The following RNF144A variants were observed in gnomAD, a reference collection of about 807,000 sequenced individuals.
RNF144A encodes E3 ubiquitin-protein ligase RNF144A.
Under a neutral mutation model 38.7 loss-of-function variants are expected in RNF144A, and 11 were observed. The ratio of observed to expected loss-of-function variants is 0.28; its 90% CI spans 0.18 to 0.47. The LOEUF is 0.47. RNF144A is among the 20% of genes least tolerant of loss of function. The pLI is 0.99. For missense variants in RNF144A, 316 were observed against 377.2 expected (o/e 0.84, Z 1.34); for synonymous variants, 149 against 143.9 (o/e 1.04, Z -0.25).
rs1028966547 is a variant in RNF144A, at chr2:6,917,459, G to T, written c.-375G>T. The T allele has an allele frequency of 6.8e-6, 1 of 146,920 alleles. No individual in the cohort carries two copies. Among genetic ancestry groups the T allele is most frequent in the Non-Finnish European group, 1.5e-5 (1 of 66,088 alleles). The allele number at this position is 146,920 out of a possible 1,614,324, so 9.1% of individuals were successfully genotyped here. On this transcript the variant is annotated 5_prime_UTR_variant, in exon 1 of 9. Transcript: ENST00000320892. This position sits in a 1 kb window ranked among gnomAD's most constrained non-coding sequence, Gnocchi z 4.8. ...CCCGCGCAGCCGCTTCTCCCCGCGCGGGCTCTCGGCAGGCGGGAGGCGGCA... is the reference window on the plus strand; with the variant it reads ...CCCGCGCAGCCGCTTCTCCCCGCGCTGGCTCTCGGCAGGCGGGAGGCGGCA...
At chr2:6,994,622 C>T (rs762125892) in intron 2 of RNF144A, among the ~76,000 whole-genome samples, 2 of 152,092 alleles carry the variant, frequency 1.3e-5, no homozygotes, top group Non-Finnish European at 2.9e-5. Context: ...AGCCGTGTGA[C>T]GCCTCCAATT....
chr2:6,950,004 C>A (rs1666579029), intron 2 of RNF144A, among the ~76,000 whole-genome samples: 1 of 152,002 alleles, frequency 6.6e-6, no homozygotes, highest in South Asian at 2.1e-4. Flanking sequence ...TAAAAAGATA[C>A]CCGCTTTTTA....
chr2:6,945,915 G>T (rs571554329), intron 2 of RNF144A, among the ~76,000 whole-genome samples: 1 of 152,272 alleles, frequency 6.6e-6, no homozygotes, highest in South Asian at 2.1e-4. Flanking sequence ...CAGGGCTGGG[G>T]AGCCCCTTGG....
intron 2 of RNF144A, among the ~76,000 whole-genome samples, chr2:6,949,352 C>T (rs2103310738): frequency 6.6e-6 from 1 of 151,166 alleles, no homozygotes; most frequent in East Asian, 1.9e-4. Context: ...AGGGGTTAGC[C>T]TGGGGAAGGC....
intron 1 of RNF144A, among the ~76,000 whole-genome samples, chr2:6,934,807 T>A (rs1297302956): frequency 6.6e-6 from 1 of 152,230 alleles, no homozygotes; most frequent in Non-Finnish European, 1.5e-5. Context: ...CAGCTGGACA[T>A]GGGTTGCCAC....
intron 1 of RNF144A, among the ~76,000 whole-genome samples, chr2:6,919,879 A>G (rs1558349118): frequency 6.6e-6 from 1 of 152,266 alleles, no homozygotes; most frequent in African/African-American, 2.4e-5. Context: ...CCCCCAGGTC[A>G]TCTGTGCCAT....
At position 7,054,823 on chromosome 2, in the gene RNF144A, A is replaced by C. The variant is rs75062183; in HGVS notation, c.735-13393A>C. On this transcript the variant is annotated intron_variant, in intron 6 of 6. Transcript: ENST00000432850. ...CTGTTCTTATCAATTACCCAGTCTAAGGTATTTTGTTATAGCCGTACAAGC... is the reference window on the plus strand; with the variant it reads ...CTGTTCTTATCAATTACCCAGTCTACGGTATTTTGTTATAGCCGTACAAGC... Among the ~76,000 whole-genome samples, 677 of 152,254 alleles carry C rather than the reference A, an allele frequency of 4.4e-3. 5 individuals carry two copies. Among genetic ancestry groups the C allele is most frequent in the African/African-American group, 0.016 (654 of 41,540 alleles).
intron 7 of RNF144A, among the ~76,000 whole-genome samples, chr2:7,024,948 C>G (rs1284045512): frequency 6.6e-6 from 1 of 151,600 alleles, no homozygotes; most frequent in Non-Finnish European, 1.5e-5. Context: ...GGTTCCTGAT[C>G]AGGACTCCTT....
chr2:6,931,346 A>G (rs534404553), intron 1 of RNF144A, among the ~76,000 whole-genome samples: 2 of 152,398 alleles, frequency 1.3e-5, no homozygotes, highest in African/African-American at 4.8e-5. Context: ...AGGATTAAAG[A>G]AATCATGCCT....
At chr2:6,940,487 G>A (rs971121780) in intron 1 of RNF144A, among the ~76,000 whole-genome samples, 82 of 151,866 alleles carry the variant, frequency 5.4e-4, no homozygotes, top group African/African-American at 2.0e-3. Context: ...AATGTTATTT[G>A]TGTTCTTCTG....
chr2:6,968,263 C>A lies in RNF144A; in HGVS notation c.-12+27116C>A, dbSNP rs2103341813. Among the ~76,000 whole-genome samples the A allele has an allele frequency of 1.3e-5, 2 of 152,340 alleles. 1 individual carries two copies. The highest frequency in any genetic ancestry group is 3.9e-4 in the East Asian group (2 of 5,182). On this transcript the variant is annotated intron_variant, in intron 2 of 8. Coordinates refer to ENST00000320892, the MANE Select transcript of RNF144A (RefSeq NM_014746.6). Reference sequence around the variant, plus strand: ...AAACTCTTCTGGTGTTCCGTATTTGCATTTGAAGGTACAGAAACAGAATAT... The same window carrying A: ...AAACTCTTCTGGTGTTCCGTATTTGAATTTGAAGGTACAGAAACAGAATAT...
In RNF144A at chr2:7,042,495, A is replaced by T; in HGVS notation, c.*2735A>T. 1.0e-6 allele frequency: 1 copy of T among 985,518 alleles called. No homozygotes were observed. The highest frequency in any genetic ancestry group is 1.7e-5 in the African/African-American group (1 of 57,376). The allele number at this position is 985,518 out of a possible 1,614,324, so 61.0% of individuals were successfully genotyped here. On this transcript the variant is annotated 3_prime_UTR_variant, in exon 9 of 9. Coordinates refer to ENST00000320892, the MANE Select transcript of RNF144A (RefSeq NM_014746.6). ...GGGAGTAAGGGGCGAAGGCCCTTAGACAACCATGGCTGCTGTACTGCCGCC... is the reference window on the plus strand; with the variant it reads ...GGGAGTAAGGGGCGAAGGCCCTTAGTCAACCATGGCTGCTGTACTGCCGCC...
At chr2:7,027,692 C>A (rs1672001443) in intron 7 of RNF144A, among the ~76,000 whole-genome samples, 1 of 152,216 alleles carries the variant, frequency 6.6e-6, no homozygotes, top group Non-Finnish European at 1.5e-5. Context: ...TGTTTCATCC[C>A]ACCCCGGAGT....
intron 5 of RNF144A, among the ~76,000 whole-genome samples, chr2:7,016,605 A>G (rs1366973832): frequency 1.1e-5 from 1 of 92,766 alleles, no homozygotes; most frequent in African/African-American, 4.4e-5. Context: ...TACTAACATT[A>G]TGTTCAAAGT....
intron 2 of RNF144A, among the ~76,000 whole-genome samples, chr2:6,970,008 C>T (rs922143284): frequency 2.6e-5 from 4 of 152,232 alleles, no homozygotes; most frequent in Non-Finnish European, 5.9e-5. Flanking sequence ...GATCCACCTG[C>T]CTCAGCCTCC....
chr2:7,004,810 G>T (rs752708001), intron 3 of RNF144A, among the ~76,000 whole-genome samples: 1 of 152,180 alleles, frequency 6.6e-6, no homozygotes, highest in Non-Finnish European at 1.5e-5. Context: ...ACTGTGTGGC[G>T]GTTGTGTTCC....
intron 3 of RNF144A, among the ~76,000 whole-genome samples, chr2:7,008,973 A>G (rs1670623727): frequency 6.6e-6 from 1 of 152,230 alleles, no homozygotes; most frequent in African/African-American, 2.4e-5. Context: ...AGTGTTTAAC[A>G]CAAAATCATT....
Position 6,958,778 on chromosome 2 carries a change from A to G in RNF144A, c.-12+17631A>G, listed in dbSNP as rs1051317320. On this transcript the variant is annotated intron_variant, in intron 2 of 8. Coordinates refer to ENST00000320892, the MANE Select transcript of RNF144A (RefSeq NM_014746.6). This position sits in a 1 kb window ranked among gnomAD's most constrained non-coding sequence, Gnocchi z 4.5. ...CCCGCAGGAGGAGGCAGAGGAGGAC[A>G]TGGGCCTGGTGTCTCACCTGCAAGG... Among the ~76,000 whole-genome samples, 3 of 152,206 alleles carry G rather than the reference A, an allele frequency of 2.0e-5. No individual in the cohort carries two copies. The highest frequency in any genetic ancestry group is 6.5e-5 in the Admixed American group (1 of 15,288).
At chr2:6,959,308 G>A (rs1178905068) in intron 2 of RNF144A, among the ~76,000 whole-genome samples, 1 of 152,148 alleles carries the variant, frequency 6.6e-6, no homozygotes, top group African/African-American at 2.4e-5. Context: ...GGAAGCAGAG[G>A]GATTGAAAGG....
Sources: gnomAD v4.1 joint callset for allele counts (sites outside exome capture counted in the v4.1 genomes callset) on GRCh38, gnomAD v4.1.1 for gene constraint, Gnocchi (gnomAD v3.1) non-coding constraint, MANE v1.5 for transcripts, NCBI Gene and HGNC (gene_info 2026-07-23, HGNC 2026-07-21) for gene names.